Variants in SIPA1L3 observed in about 807,000 individuals in gnomAD.
The protein encoded by SIPA1L3 is signal-induced proliferation-associated 1-like protein 3.
SIPA1L3 carries 59 observed loss-of-function variants against 150.1 expected under a neutral mutation model. The ratio of observed to expected loss-of-function variants is 0.39; its 90% confidence interval spans 0.32 to 0.49. SIPA1L3 has a LOEUF of 0.49. Among genes scored for constraint, SIPA1L3 ranks in the 20% least tolerant of loss-of-function variants. SIPA1L3 has a pLI of 0.86. For synonymous variants in SIPA1L3, 1,070 were observed against 1,077.6 expected, an observed-to-expected ratio of 0.99 and a Z score of 0.14; for missense variants, 2,211 against 2,489.5, an observed-to-expected ratio of 0.89 and a Z score of 2.38.
In SIPA1L3 at chr19:38,044,575, G is replaced by A. The variant is rs1478738626; in HGVS notation, c.-311+15419G>A. Reference sequence around the variant, plus strand: ...TGAAGGGAGCAGGTTCAAGAGAGACGGGGCTTTGTTGAGGCCTGTGAAGGT... The same window carrying A: ...TGAAGGGAGCAGGTTCAAGAGAGACAGGGCTTTGTTGAGGCCTGTGAAGGT... On this transcript the variant is annotated intron_variant, in intron 2 of 21. Coordinates refer to ENST00000222345, the MANE Select transcript of SIPA1L3 (RefSeq NM_015073.3). 2.6e-5 allele frequency among the ~76,000 whole-genome samples: 4 copies of A among 152,154 alleles called. No individual in the cohort carries two copies. The East Asian group carries it at 5.8e-4, about 22-fold the overall frequency.
chr19:38,065,197 C>T (rs1969544111), intron 2 of SIPA1L3, among the ~76,000 whole-genome samples: 1 of 152,176 alleles, frequency 6.6e-6, no homozygotes, highest in East Asian at 1.9e-4. Flanking sequence ...GTGGGGTGCA[C>T]TGTCCTTCCC....
At chr19:38,023,964 A>G (rs928699249) in intron 1 of SIPA1L3, among the ~76,000 whole-genome samples, 1 of 152,170 alleles carries the variant, frequency 6.6e-6, no homozygotes, top group African/African-American at 2.4e-5. Context: ...GATGCCAGCA[A>G]CAGTTGCAAT....
rs533070446 is a variant in SIPA1L3, at chr19:38,192,430, C to T, written c.4596+120C>T. The T allele has an allele frequency of 3.6e-5, 35 of 963,594 alleles. 1 individual carries two copies. In the South Asian group the frequency reaches 5.9e-4, roughly 16 times the overall value. The allele number at this position is 963,594 out of a possible 1,614,324, so 59.7% of individuals were successfully genotyped here. ...ACGCCAGCTCCTTCCCGTCGTGTCC[C>T]CAGCCTTTGGCATCTGCCAGTCCTG... On this transcript the variant is annotated intron_variant, in intron 17 of 21. Transcript: ENST00000222345.
intron 1 of SIPA1L3, among the ~76,000 whole-genome samples, chr19:37,973,826 A>T (rs182394030): frequency 3.3e-5 from 5 of 152,264 alleles, no homozygotes; most frequent in African/African-American, 1.2e-4. Context: ...ACTGTGCAGT[A>T]AGATGTGTGG....
At chr19:37,930,364 CCCAGG>C (rs950335661) in intron 1 of SIPA1L3, among the ~76,000 whole-genome samples, 5 of 150,844 alleles carry the variant, frequency 3.3e-5, no homozygotes, top group Non-Finnish European at 7.4e-5. Context: ...CACTTTGTTG[CCCAGG>C]CTGGTCTCGA....
chr19:38,117,620 GAAA>G (rs562060967), intron 8 of SIPA1L3, among the ~76,000 whole-genome samples: 1 of 143,512 alleles, frequency 7.0e-6, no homozygotes, highest in African/African-American at 2.5e-5. Flanking sequence ...CTCCATCTCA[GAAA>G]AAAAAAAAAG....
chr19:38,187,715 C>CAAAAAA (rs34187992), intron 16 of SIPA1L3, among the ~76,000 whole-genome samples: 56 of 59,532 alleles, frequency 9.4e-4, no homozygotes, highest in Middle Eastern at 0.019. Flanking sequence ...GACTCCGTCT[C>CAAAAAA]AAAAAAAAAA....
chr19:38,147,421 A>G (rs1250868637), intron 12 of SIPA1L3, among the ~76,000 whole-genome samples: 2 of 151,902 alleles, frequency 1.3e-5, no homozygotes, highest in African/African-American at 4.8e-5. Context: ...TATTTTATGG[A>G]TCAGGTTTTT....
rs776648947 is a variant in SIPA1L3 at position 38,081,524 on chromosome 19, C to T, written c.-42C>T. The T allele has an allele frequency of 5.3e-6, 8 of 1,523,020 alleles. No homozygotes were observed. Among genetic ancestry groups the T allele is most frequent in the Middle Eastern group, 2.4e-4 (1 of 4,214 alleles). 94.3% of individuals were successfully genotyped at this position (1,523,020 alleles called of 1,614,324 possible). ...GGCTGGGGGACCCCATAGAGTGACA[C>T]CACAGCGTACGGGGCCAGCAGCACT... On this transcript the variant is annotated 5_prime_UTR_variant, in exon 3 of 22. Coordinates refer to ENST00000222345, the MANE Select transcript of SIPA1L3 (RefSeq NM_015073.3).
At chr19:38,037,207 G>A (rs1568514012) in intron 2 of SIPA1L3, among the ~76,000 whole-genome samples, 1 of 152,200 alleles carries the variant, frequency 6.6e-6, no homozygotes, top group African/African-American at 2.4e-5. Context: ...TAAGTGCTCT[G>A]GCAGAGGAGC....
intron 1 of SIPA1L3, among the ~76,000 whole-genome samples, chr19:37,957,770 T>C (rs559264054): frequency 6.6e-6 from 1 of 152,164 alleles, no homozygotes; most frequent in African/African-American, 2.4e-5. Flanking sequence ...TGGTGTACAG[T>C]GGCATAATCA....
rs571506197 is a variant in SIPA1L3, at chr19:37,936,744, G to T, written c.-379+29386G>T. On this transcript the variant is annotated intron_variant, in intron 1 of 21. Transcript: ENST00000222345. ...GTTGAGATGCAGTCTCTCCTGGTCT[G>T]GCTCTGGAGGCATGTACTGAACCAT... is the stretch of plus-strand genomic sequence containing the variant. Among the ~76,000 whole-genome samples, 13 of 152,326 alleles carry T rather than the reference G, an allele frequency of 8.5e-5. No homozygotes were observed. The South Asian group carries it at 2.7e-3, about 32-fold the overall frequency.
At chr19:38,097,140 G>A (rs1970397038) in intron 4 of SIPA1L3, among the ~76,000 whole-genome samples, 1 of 152,222 alleles carries the variant, frequency 6.6e-6, no homozygotes, top group African/African-American at 2.4e-5. Context: ...CTTGAGCCTA[G>A]GAGTTGCAGA....
At chr19:38,150,306 A>T (rs1291368657) in intron 12 of SIPA1L3, among the ~76,000 whole-genome samples, 1 of 151,834 alleles carries the variant, frequency 6.6e-6, no homozygotes, top group African/African-American at 2.4e-5. Context: ...GCCCCTTGAA[A>T]CACCTCTCTA....
chr19:38,100,104 A>G lies in SIPA1L3; in HGVS notation c.1808A>G (p.Asn603Ser), dbSNP rs1004782043. 2 of 1,608,476 alleles carry G rather than the reference A, an allele frequency of 1.2e-6. No individual in the cohort carries two copies. The highest frequency in any genetic ancestry group is 1.7e-6 in the Non-Finnish European group (2 of 1,177,872). ...ATCCACTGCCTGCGGCTGGCCCTCA[A>G]CACCCCCAAGGTGACGGAGCAACTG... is the stretch of plus-strand genomic sequence containing the variant. ...LNIHCLRLALNTPKVTEQLLK... is the reference protein window; with the variant it reads ...LNIHCLRLALSTPKVTEQLLK... The change falls in exon 5 of 22, where the codon AAC becomes AGC. Residue 603 changes from asparagine (N) to serine (S), a missense_variant. Transcript: ENST00000222345.
intron 2 of SIPA1L3, among the ~76,000 whole-genome samples, chr19:38,075,535 C>A (rs1191739797): frequency 6.6e-6 from 1 of 152,112 alleles, no homozygotes; most frequent in Admixed American, 6.6e-5. Context: ...AATCCCAGCA[C>A]TTTGGGAGGC....
chr19:37,936,715 T>C (rs2046603976), intron 1 of SIPA1L3, among the ~76,000 whole-genome samples: 1 of 152,216 alleles, frequency 6.6e-6, no homozygotes, highest in African/African-American at 2.4e-5. Context: ...AAGGGCATGG[T>C]GGAGTTGAGA....
intron 1 of SIPA1L3, among the ~76,000 whole-genome samples, chr19:37,960,182 A>G (rs2046844692): frequency 6.6e-6 from 1 of 152,088 alleles, no homozygotes; most frequent in African/African-American, 2.4e-5. Context: ...GATTTATGTA[A>G]TATTTCTTAC....
intron 2 of SIPA1L3, among the ~76,000 whole-genome samples, chr19:38,029,591 G>T (rs1703640820): frequency 6.6e-6 from 1 of 151,994 alleles, no homozygotes; most frequent in Admixed American, 6.6e-5. Context: ...ACCCTCTTTT[G>T]GTATATAGTT....
Sources: allele counts gnomAD v4.1 joint callset (sites outside exome capture counted in the v4.1 genomes callset), GRCh38; gene constraint gnomAD v4.1.1; transcripts MANE v1.5; gene names NCBI Gene and HGNC (gene_info 2026-07-23, HGNC 2026-07-21).